The following ZNF577 variants were observed in gnomAD, a reference collection of about 807,000 sequenced individuals.
ZNF577 encodes the protein zinc finger protein 577.
Under a neutral mutation model 13.9 loss-of-function variants are expected in ZNF577, and 14 were observed. The ratio of observed to expected loss-of-function variants is 1.00; its 90% CI spans 0.66 to 1.57. ZNF577 has a LOEUF of 1.57. ZNF577 is among the 40% of genes most tolerant of loss of function. The pLI is 0.00. For synonymous variants in ZNF577, 203 were observed against 202.9 expected (o/e 1.00, Z 0.00); for missense variants, 555 against 579.2 (o/e 0.96, Z 0.43).
chr19:51,877,088 A>T (rs2084776970), intron 5 of ZNF577, among the ~76,000 whole-genome samples, 194 bp downstream of exon 5: 1 of 152,208 alleles, frequency 6.6e-6, no homozygotes, highest in Non-Finnish European at 1.5e-5. Flanking sequence ...CAGAAAATAG[A>T]AGAAAGGAAG....
intron 9 of ZNF577, among the ~76,000 whole-genome samples, chr19:51,832,892 C>T (rs1382768730): frequency 6.6e-6 from 1 of 152,074 alleles, no homozygotes; most frequent in Non-Finnish European, 1.5e-5. Context: ...GTCTGTCTAC[C>T]GTTTAGCCAA....
At chr19:51,851,962 C>T (rs529384236) in intron 5 of ZNF577, among the ~76,000 whole-genome samples, 3 of 152,336 alleles carry the variant, frequency 2.0e-5, no homozygotes, top group Non-Finnish European at 2.9e-5. Flanking sequence ...CCCCAAGTCA[C>T]GAATCCCTAC....
chr19:51,851,154 G>T (rs2084377057), intron 5 of ZNF577, among the ~76,000 whole-genome samples: 1 of 152,100 alleles, frequency 6.6e-6, no homozygotes, highest in African/African-American at 2.4e-5. Context: ...ATAAATATTT[G>T]AAAAATAGCT....
intron 3 of ZNF577, 147 bp from the exon 4 acceptor site, chr19:51,878,662 C>A: frequency 1.1e-6 from 1 of 946,866 alleles, no homozygotes. Flanking sequence ...GGAATTCCAC[C>A]AATTCTGCCT....
chr19:51,818,135 C>T (rs978164924), intron 9 of ZNF577, among the ~76,000 whole-genome samples: 2 of 152,110 alleles, frequency 1.3e-5, no homozygotes, highest in African/African-American at 2.4e-5. Flanking sequence ...TGAGTGCTTG[C>T]TATTTTTCTC....
intron 5 of ZNF577, among the ~76,000 whole-genome samples, chr19:51,856,615 C>T (rs3752124): frequency 0.38 from 57,149 of 151,700 alleles, 11,837 homozygotes; most frequent in African/African-American, 0.54. Context: ...CATCCACATA[C>T]CCTTGCTTTC....
chr19:51,835,440 T>G (rs1224609361), intron 9 of ZNF577, among the ~76,000 whole-genome samples: 1 of 150,964 alleles, frequency 6.6e-6, no homozygotes, highest in Non-Finnish European at 1.5e-5. Flanking sequence ...AGGCTTGCAT[T>G]GTTTCACCTG....
chr19:51,885,180 A>T (rs1330481801), intron 1 of ZNF577, among the ~76,000 whole-genome samples: 2 of 152,202 alleles, frequency 1.3e-5, no homozygotes, highest in African/African-American at 4.8e-5. Context: ...GGGTTAGCTG[A>T]ATGTTTTTGT....
chr19:51,857,889 G>A (rs925369091), intron 5 of ZNF577, among the ~76,000 whole-genome samples: 1 of 152,016 alleles, frequency 6.6e-6, no homozygotes, highest in Non-Finnish European at 1.5e-5. Flanking sequence ...GCCCAGGCTG[G>A]TCTCAAACTC....
intron 5 of ZNF577, among the ~76,000 whole-genome samples, chr19:51,875,033 T>C (rs2084733878): frequency 6.6e-6 from 1 of 151,968 alleles, no homozygotes; most frequent in South Asian, 2.1e-4. Flanking sequence ...TATATGACCA[T>C]TACTAAGTTA....
intron 1 of ZNF577, among the ~76,000 whole-genome samples, chr19:51,885,636 T>C (rs181259500): frequency 8.9e-4 from 136 of 152,250 alleles, no homozygotes; most frequent in Admixed American, 1.4e-3. Context: ...CTCATCCTCC[T>C]GAGTAGCTGG....
Position 51,872,839 on chromosome 19 carries a change from G to T in ZNF577, c.1151C>A (p.Ser384Ter), listed in dbSNP as rs200969457. The T allele has an allele frequency of 6.2e-7, 1 of 1,614,194 alleles. No homozygotes were observed. The highest frequency in any genetic ancestry group is 8.5e-7 in the Non-Finnish European group (1 of 1,180,038). Residue 384 changes from serine (S) to a stop codon, truncating the protein, a stop_gained, in exon 6 of 6, where the codon TCA becomes TAA. Coordinates refer to ENST00000638348, the MANE Select transcript of ZNF577 (RefSeq NM_001370449.1). LOFTEE classifies it low-confidence loss of function (END_TRUNC). ...TGAGGAAGGTTTCTCCACCGTCAGTGAATTTATGGCTGTCTCTCTTATGTG... is the reference window on the plus strand; with the variant it reads ...TGAGGAAGGTTTCTCCACCGTCAGTTAATTTATGGCTGTCTCTCTTATGTG... ...KTHIRETAINSLTVEKPSSRS... is the reference protein window; with the variant it reads ...KTHIRETAIN
At chr19:51,844,725 A>G (rs1349159185) in intron 6 of ZNF577, 1 of 152,218 alleles carries the variant, frequency 6.6e-6, no homozygotes, top group African/African-American at 2.4e-5. Flanking sequence ...ATAAACTTCT[A>G]AAAATCTACT....
intron 9 of ZNF577, among the ~76,000 whole-genome samples, chr19:51,818,182 C>T (rs960714971): frequency 1.3e-5 from 2 of 152,094 alleles, no homozygotes; most frequent in African/African-American, 4.8e-5. Flanking sequence ...TAAAATGCAT[C>T]TCATGTCTTC....
chr19:51,852,398 T>C (rs2084383349), intron 5 of ZNF577, among the ~76,000 whole-genome samples: 1 of 152,168 alleles, frequency 6.6e-6, no homozygotes, highest in South Asian at 2.1e-4. Context: ...TCATGCTCAA[T>C]AGCATTTCCG....
At chr19:51,875,554 A>G (rs1485863502) in intron 5 of ZNF577, among the ~76,000 whole-genome samples, 1 of 152,166 alleles carries the variant, frequency 6.6e-6, no homozygotes, top group Non-Finnish European at 1.5e-5. Context: ...AATAAAATAT[A>G]TGTCTTCCTC....
At chr19:51,823,792 T>A in intron 9 of ZNF577, 1 of 1,610,566 alleles carries the variant, frequency 6.2e-7, no homozygotes, top group East Asian at 2.2e-5. Flanking sequence ...ACTGAGGAGG[T>A]GCTCCCTGAG....
chr19:51,865,212 G>T (rs1032121411), downstream of ZNF577, among the ~76,000 whole-genome samples: 2 of 152,034 alleles, frequency 1.3e-5, no homozygotes, highest in East Asian at 3.9e-4. Context: ...TTCTCCAACC[G>T]CACCTCTGGA....
chr19:51,834,897 C>T (rs973836614), intron 9 of ZNF577, among the ~76,000 whole-genome samples: 2 of 152,024 alleles, frequency 1.3e-5, no homozygotes, highest in African/African-American at 4.8e-5. Flanking sequence ...GTTGTCCAGA[C>T]TGCTCTTGAA....
Sources: gnomAD v4.1 joint callset for allele counts (sites outside exome capture counted in the v4.1 genomes callset) on GRCh38, gnomAD v4.1.1 for gene constraint, MANE v1.5 for transcripts, NCBI Gene and HGNC (gene_info 2026-07-23, HGNC 2026-07-21) for gene names.